The following CRHR2 variants were observed in gnomAD, a reference collection of about 807,000 sequenced individuals.
CRHR2 encodes corticotropin-releasing hormone receptor 2.
CRHR2 carries 53 observed loss-of-function variants against 57.9 expected under a neutral mutation model. The ratio of observed to expected loss-of-function variants is 0.92; its 90% CI spans 0.73 to 1.15. The LOEUF is 1.15. Ranked by LOEUF, CRHR2 falls within the 50% of genes most tolerant of loss-of-function variation. The pLI, the probability that CRHR2 is intolerant of heterozygous loss-of-function variation, is 0.00. For synonymous variants in CRHR2, 213 were observed against 220.9 expected, an observed-to-expected ratio of 0.96 and a Z score of 0.32; for missense variants, 532 against 542.6, an observed-to-expected ratio of 0.98 and a Z score of 0.19.
chr7:30,661,300 T>C (rs1184939749), intron 7 of CRHR2, among the ~76,000 whole-genome samples: 1 of 152,214 alleles, frequency 6.6e-6, no homozygotes, highest in Admixed American at 6.5e-5. Context: ...GGGGAACTCA[T>C]TCCTCTGAAA....
At chr7:30,655,793 G>A (rs1783761955) in intron 9 of CRHR2, 78 bp from the exon 10 acceptor site, 3 of 1,591,520 alleles carry the variant, frequency 1.9e-6, no homozygotes, top group Non-Finnish European at 2.6e-6. Flanking sequence ...GGAGACAGTG[G>A]TGGTGTTTCT....
At position 30,652,836 on chromosome 7, in the gene CRHR2, T is replaced by A. The variant is rs1480780912; in HGVS notation, c.*624A>T. 3.3e-5 allele frequency: 5 copies of A among 152,034 alleles called. No homozygotes were observed. Among genetic ancestry groups the A allele is most frequent in the African/African-American group, 1.2e-4 (5 of 41,350 alleles). 9.4% of individuals were successfully genotyped at this position (152,034 alleles called of 1,614,324 possible). On this transcript the variant is annotated 3_prime_UTR_variant, in exon 12 of 12. Coordinates refer to ENST00000471646, the MANE Select transcript of CRHR2 (RefSeq NM_001883.5). The surrounding 1 kb of genome is among the most constrained non-coding windows in gnomAD (Gnocchi z 4.4). ...ATCTGTGGACTAGGCAGAGAAGGGG[T>A]CTCCCAAGAGAGGAAGCCAGGCCTG...
At chr7:30,682,630 C>T (rs1784764383), upstream of CRHR2, 1 of 550,462 alleles carries the variant, frequency 1.8e-6, no homozygotes, top group Non-Finnish European at 2.4e-6. Context: ...GTTCGCAGCT[C>T]TCTTCCACTC....
intron 2 of CRHR2, among the ~76,000 whole-genome samples, chr7:30,681,484 C>A (rs1784703017): frequency 6.6e-6 from 1 of 152,196 alleles, no homozygotes; most frequent in Non-Finnish European, 1.5e-5. Flanking sequence ...GGTCTGGTCA[C>A]TGCACTCACT....
chr7:30,661,718 G>A (rs1562795798), intron 7 of CRHR2, among the ~76,000 whole-genome samples: 1 of 152,136 alleles, frequency 6.6e-6, no homozygotes, highest in Admixed American at 6.5e-5. Flanking sequence ...ACCTCAGGAT[G>A]GGACACTGCA....
rs573105851 is a variant in CRHR2 at position 30,653,050 on chromosome 7, T to G, written c.*410A>C. 4.0e-4 allele frequency: 74 copies of G among 183,282 alleles called. No homozygotes were observed. The highest frequency in any genetic ancestry group is 1.5e-3 in the African/African-American group (62 of 42,688). 11.4% of individuals were successfully genotyped at this position (183,282 alleles called of 1,614,324 possible). ...ACTGAGTGTGGAGGCCAAGGGCCAG[T>G]GCAGGGCCACACCATTGCCTGGCTG... On this transcript the variant is annotated 3_prime_UTR_variant, in exon 12 of 12. Transcript: ENST00000471646. The surrounding 1 kb of genome is among the most constrained non-coding windows in gnomAD (Gnocchi z 5.0).
rs1443202239 is a variant in CRHR2, at chr7:30,653,914, CAG to C, written c.1096-316_1096-315del. 1.3e-5 allele frequency among the ~76,000 whole-genome samples: 2 copies of C among 152,148 alleles called. No homozygotes were observed. Among genetic ancestry groups the C allele is most frequent in the African/African-American group, 4.8e-5 (2 of 41,424 alleles). On this transcript the variant is annotated intron_variant, in intron 11 of 11. Coordinates refer to ENST00000471646, the MANE Select transcript of CRHR2 (RefSeq NM_001883.5). The surrounding 1 kb of genome is among the most constrained non-coding windows in gnomAD (Gnocchi z 5.0). ...CACCTCAAAATTAGCATCTTGGGAC[CAG>C]AGAGCGCAGCTTGGAGACTTGGCCC...
intron 2 of CRHR2, among the ~76,000 whole-genome samples, chr7:30,677,110 G>A (rs1784543124): frequency 6.6e-6 from 1 of 152,166 alleles, no homozygotes; most frequent in African/African-American, 2.4e-5. Flanking sequence ...GGTGCAGGAG[G>A]AGGGCAGATA....
In CRHR2 at chr7:30,665,528, A is replaced by G; in HGVS notation, c.425+2T>C. On this transcript the variant is annotated splice_donor_variant, in intron 4 of 11. Coordinates refer to ENST00000471646, the MANE Select transcript of CRHR2 (RefSeq NM_001883.5). LOFTEE classifies it high-confidence loss of function. This position sits in a 1 kb window ranked among gnomAD's most constrained non-coding sequence, Gnocchi z 4.5. ...GAAAGCAAGGCGGAAGGGCAGACTC[A>G]CCGCAGGGCCAGGAAAAGCAGGAAG... The G allele has an allele frequency of 6.4e-7, 1 of 1,555,480 alleles. No homozygotes were observed. The highest frequency in any genetic ancestry group is 8.7e-7 in the Non-Finnish European group (1 of 1,148,762).
At chr7:30,677,807 C>T (rs559369011) in intron 2 of CRHR2, among the ~76,000 whole-genome samples, 8 of 152,128 alleles carry the variant, frequency 5.3e-5, no homozygotes, top group Non-Finnish European at 8.8e-5. Context: ...CAGTGGCTCA[C>T]GCCTATACTC....
Position 30,652,397 on chromosome 7 carries a change from C to T in CRHR2, c.*1063G>A, listed in dbSNP as rs944236847. ...TGGTTGGAGTGATAAGGGACAGACC[C>T]GCCTGCAGGTGCTTTGACCATAAAG... On this transcript the variant is annotated 3_prime_UTR_variant, in exon 12 of 12. Coordinates refer to ENST00000471646, the MANE Select transcript of CRHR2 (RefSeq NM_001883.5). This position sits in a 1 kb window ranked among gnomAD's most constrained non-coding sequence, Gnocchi z 4.4. The T allele has an allele frequency of 2.0e-5, 3 of 152,274 alleles. No individual in the cohort carries two copies. Among genetic ancestry groups the T allele is most frequent in the Non-Finnish European group, 2.9e-5 (2 of 68,102 alleles). 9.4% of individuals were successfully genotyped at this position (152,274 alleles called of 1,614,324 possible).
At chr7:30,658,517 C>G (rs1462664888) in intron 8 of CRHR2, among the ~76,000 whole-genome samples, 1 of 152,182 alleles carries the variant, frequency 6.6e-6, no homozygotes, top group East Asian at 1.9e-4. Context: ...GGGCTAAGAA[C>G]TGAAGATGAG....
chr7:30,690,243 AG>A (rs1324384398), intron 1 of CRHR2, among the ~76,000 whole-genome samples: 8 of 152,318 alleles, frequency 5.3e-5, no homozygotes, highest in Non-Finnish European at 1.2e-4. Context: ...AAGGGTGAGT[AG>A]GAGCTTGCCA....
chr7:30,686,626 T>A, upstream of CRHR2: 1 of 966,696 alleles, frequency 1.0e-6, no homozygotes, highest in Non-Finnish European at 1.6e-6. Flanking sequence ...CTACAAAAAA[T>A]AATAAAAAAT....
intron 1 of CRHR2, among the ~76,000 whole-genome samples, chr7:30,696,192 A>G (rs1785052812): frequency 6.6e-6 from 1 of 152,214 alleles, no homozygotes; most frequent in African/African-American, 2.4e-5. Context: ...AAAAAATAGA[A>G]TGAATACGAC....
At position 30,655,587 on chromosome 7, in the gene CRHR2, G is replaced by A. The variant is rs539080402; in HGVS notation, c.1046C>T (p.Ser349Leu). Reference protein sequence around the residue: ...MFIYFNSFLQSFQGFFVSVFY... With the variant: ...MFIYFNSFLQLFQGFFVSVFY... ...TCTGGTCACAGGCCCCACCTGGAACGACTGCAGGAAGGAGTTGAAATAGAT... is the reference window on the plus strand; with the variant it reads ...TCTGGTCACAGGCCCCACCTGGAACAACTGCAGGAAGGAGTTGAAATAGAT... Residue 349 changes from serine to leucine, a missense_variant, in exon 10 of 12, where the codon TCG becomes TTG. Physicochemically the swap from Ser to Leu is moderately radical, Grantham distance 145. Transcript: ENST00000471646. 3.7e-6 allele frequency: 6 copies of A among 1,612,560 alleles called. No homozygotes were observed. The highest frequency in any genetic ancestry group is 1.7e-5 in the Admixed American group (1 of 59,928).
intron 2 of CRHR2, among the ~76,000 whole-genome samples, chr7:30,680,083 A>G (rs1784650203): frequency 6.6e-6 from 1 of 152,184 alleles, no homozygotes; most frequent in Non-Finnish European, 1.5e-5. Flanking sequence ...ATTAGACTTA[A>G]TTGATATGAA....
intron 1 of CRHR2, among the ~76,000 whole-genome samples, chr7:30,698,399 G>T (rs908407777): frequency 6.6e-5 from 10 of 152,148 alleles, no homozygotes; most frequent in Admixed American, 6.5e-4. Flanking sequence ...GCGGCTGGCA[G>T]CATGGACCCC....
At chr7:30,688,669 A>T in intron 2 of CRHR2, 2 of 394,494 alleles carry the variant, frequency 5.1e-6, no homozygotes, top group South Asian at 3.8e-5. Flanking sequence ...ACAGGGTGGG[A>T]CACTGGAGAC....
Sources: allele counts gnomAD v4.1 joint callset (sites outside exome capture counted in the v4.1 genomes callset), GRCh38; gene constraint gnomAD v4.1.1; non-coding constraint Gnocchi (gnomAD v3.1); transcripts MANE v1.5; gene names NCBI Gene and HGNC (gene_info 2026-07-23, HGNC 2026-07-21).